The following CEP44 variants were observed in gnomAD, a reference collection of about 807,000 sequenced individuals.
The protein encoded by CEP44 is centrosomal protein 44.
Under a neutral mutation model 46.7 loss-of-function variants are expected in CEP44, and 45 were observed. The ratio of observed to expected loss-of-function variants is 0.96; its 90% CI spans 0.76 to 1.24. The LOEUF (loss-of-function observed/expected upper bound fraction) is 1.24. Among genes scored for constraint, CEP44 ranks in the 50% most tolerant of loss-of-function variants. The pLI, the probability that CEP44 is intolerant of heterozygous loss-of-function variation, is 0.00. For missense variants in CEP44, 475 were observed against 459.7 expected (o/e 1.03, Z -0.30); for synonymous variants, 142 against 146.0 (o/e 0.97, Z 0.20).
At chr4:174,308,188 A>G (rs1478867195) in intron 6 of CEP44, among the ~76,000 whole-genome samples, 1 of 152,152 alleles carries the variant, frequency 6.6e-6, no homozygotes, top group East Asian at 1.9e-4. Flanking sequence ...AAGACATGGA[A>G]TCAAGCTAAA....
At chr4:174,293,688 T>C (rs1333697531) in intron 1 of CEP44, among the ~76,000 whole-genome samples, 1 of 151,906 alleles carries the variant, frequency 6.6e-6, no homozygotes, top group African/African-American at 2.4e-5. Context: ...TTTTAGGGGG[T>C]TTTTTTTGTT....
chr4:174,312,741 ACT>A lies in CEP44; in HGVS notation c.961+1885_961+1886del, dbSNP rs1382338671. On this transcript the variant is annotated intron_variant, in intron 9 of 11. Coordinates refer to ENST00000503780, the MANE Select transcript of CEP44 (RefSeq NM_001040157.3). The surrounding 1 kb of genome is among the most constrained non-coding windows in gnomAD (Gnocchi z 4.5). ...TGATCTGATCTAGATTAATTAAAAG[ACT>A]CAAGTTTATAAAGACTTACACATTA... Among the ~76,000 whole-genome samples the A allele has an allele frequency of 6.6e-6, 1 of 152,180 alleles. No homozygotes were observed. The highest frequency in any genetic ancestry group is 2.4e-5 in the African/African-American group (1 of 41,446).
At chr4:174,320,704 A>ATGTGTGTGTGTGTGTGTATGTGTG (rs796604982), downstream of CEP44, among the ~76,000 whole-genome samples, 38 of 125,306 alleles carry the variant, frequency 3.0e-4, no homozygotes, top group East Asian at 2.7e-3. Context: ...GTGTGTGTGT[A>ATGTGTGTGTGTGTGTGTATGTGTG]TGTGTGTGTG....
At chr4:174,315,119 A>C (rs769309378) in intron 9 of CEP44, among the ~76,000 whole-genome samples, 1 of 152,132 alleles carries the variant, frequency 6.6e-6, no homozygotes, top group East Asian at 1.9e-4. Context: ...GATAAAAATT[A>C]GTCTTCTAGT....
upstream of CEP44, chr4:174,283,790 AG>A (rs1264258975): frequency 5.5e-5 from 22 of 397,306 alleles, no homozygotes; most frequent in Middle Eastern, 1.9e-3. This position sits in a 1 kb window ranked among gnomAD's most constrained non-coding sequence, Gnocchi z 6.7. Flanking sequence ...CATCAAGATC[AG>A]AAAAACTTCT....
rs1185485079 is a variant in CEP44 at position 174,331,143 on chromosome 4, AGT to A, written c.1087-338_1087-337del. 1.3e-5 allele frequency among the ~76,000 whole-genome samples: 2 copies of A among 152,144 alleles called. No individual in the cohort carries two copies. The highest frequency in any genetic ancestry group is 4.2e-4 in the South Asian group (2 of 4,808). On this transcript the variant is annotated intron_variant, in intron 8 of 8. Transcript: ENST00000426172. This position sits in a 1 kb window ranked among gnomAD's most constrained non-coding sequence, Gnocchi z 4.5. ...CAATGGAGTATTTTCATTTTTAATT[AGT>A]ACGTAAATTAGATCTCATAATTATG...
In CEP44 at chr4:174,305,843, T is replaced by A. The variant is rs1193868894; in HGVS notation, c.507+1474T>A. ...ATATAATGTGCTTTTCAATGTTCTA[T>A]TTCAGTATGAGAGTTGAGGGGACAG... On this transcript the variant is annotated intron_variant, in intron 6 of 11. Transcript: ENST00000503780. 4.6e-5 allele frequency among the ~76,000 whole-genome samples: 7 copies of A among 152,214 alleles called. No homozygotes were observed. In the South Asian group the frequency reaches 1.0e-3, roughly 22 times the overall value.
intron 4 of CEP44, among the ~76,000 whole-genome samples, chr4:174,302,663 A>G (rs1408769130): frequency 6.6e-6 from 1 of 151,938 alleles, no homozygotes; most frequent in Non-Finnish European, 1.5e-5. Context: ...TGTATACTGA[A>G]TTTAATCTCT....
exon 9 of CEP44, chr4:174,332,492 A>G (rs1731369258): frequency 6.6e-6 from 1 of 152,228 alleles, no homozygotes; most frequent in Non-Finnish European, 1.5e-5. Flanking sequence ...CATTGCATTT[A>G]TTGGCTCCTT....
Position 174,317,423 on chromosome 4 carries a change from A to C in CEP44, c.*40A>C, listed in dbSNP as rs771488885. The C allele has an allele frequency of 3.7e-6, 5 of 1,355,358 alleles. No homozygotes were observed. In the Admixed American group the frequency reaches 1.0e-4, roughly 28 times the overall value. 84.0% of individuals were successfully genotyped at this position (1,355,358 alleles called of 1,614,324 possible). On this transcript the variant is annotated 3_prime_UTR_variant, in exon 12 of 12. Transcript: ENST00000503780. ...ACTTTTTTCTAGGACTTTGGTTACTATACATATTGTATATTTTAAGAATTC... is the reference window on the plus strand; with the variant it reads ...ACTTTTTTCTAGGACTTTGGTTACTCTACATATTGTATATTTTAAGAATTC...
chr4:174,294,799 G>A (rs1168328201), intron 1 of CEP44, among the ~76,000 whole-genome samples: 4 of 142,996 alleles, frequency 2.8e-5, no homozygotes, highest in South Asian at 2.2e-4. Flanking sequence ...CTGGCCGGGT[G>A]GGGGGCTGAC....
intron 10 of CEP44, 64 bp downstream of exon 10, chr4:174,316,354 T>G: frequency 1.3e-6 from 2 of 1,518,520 alleles, no homozygotes; most frequent in Non-Finnish European, 1.8e-6. Context: ...TAGCTTTTGT[T>G]GTAAATATTG....
intron 6 of CEP44, among the ~76,000 whole-genome samples, chr4:174,305,597 G>T (rs903171156): frequency 1.3e-5 from 2 of 152,156 alleles, no homozygotes; most frequent in South Asian, 2.1e-4. Context: ...CGCCATTTTT[G>T]AATAAGTGCA....
Position 174,318,762 on chromosome 4 carries a change from CAG to C in CEP44, c.*1380_*1381del, listed in dbSNP as rs1397946620. 1 of 775,522 alleles carries C rather than the reference CAG, an allele frequency of 1.3e-6. No homozygotes were observed. Among genetic ancestry groups the C allele is most frequent in the Non-Finnish European group, 1.6e-6 (1 of 640,842 alleles). 48.0% of individuals were successfully genotyped at this position (775,522 alleles called of 1,614,324 possible). A position where few individuals can be genotyped will look rare whatever the true frequency, so the allele number is the denominator to read the frequency against. On this transcript the variant is annotated 3_prime_UTR_variant, in exon 12 of 12. Coordinates refer to ENST00000503780, the MANE Select transcript of CEP44 (RefSeq NM_001040157.3). ...TTTTTTTGTGTTTGTGAATTTGAAA[CAG>C]TGTAAGAAATCACTTTTAAGAAAAC...
At chr4:174,293,397 G>T (rs1314147566) in intron 1 of CEP44, among the ~76,000 whole-genome samples, 2 of 152,120 alleles carry the variant, frequency 1.3e-5, no homozygotes, top group South Asian at 2.1e-4. Context: ...TACATAGATG[G>T]TTGCTAAATT....
downstream of CEP44, among the ~76,000 whole-genome samples, chr4:174,321,395 AT>A (rs200176829): frequency 1.3e-5 from 2 of 151,902 alleles, no homozygotes; most frequent in African/African-American, 2.4e-5. Flanking sequence ...TAGTTAAATG[AT>A]TTTTTTTCCT....
At chr4:174,316,480 G>A (rs762368213) in intron 10 of CEP44, 50 bp from the exon 11 acceptor site, 1 of 1,501,916 alleles carries the variant, frequency 6.7e-7, no homozygotes, top group Admixed American at 1.9e-5. Flanking sequence ...CATCTTTGAT[G>A]ATGGTTTACT....
At chr4:174,323,807 A>G (rs529956253), downstream of CEP44, among the ~76,000 whole-genome samples, 37 of 152,238 alleles carry the variant, frequency 2.4e-4, no homozygotes, top group South Asian at 7.3e-3. Flanking sequence ...TTGGGCATTC[A>G]TACAGGCCAT....
intron 1 of CEP44, among the ~76,000 whole-genome samples, chr4:174,289,090 T>C (rs112182943): frequency 6.4e-4 from 98 of 152,328 alleles, no homozygotes; most frequent in African/African-American, 2.3e-3. Context: ...TGAACCATCC[T>C]TGCATCACAA....
Sources: allele counts gnomAD v4.1 joint callset (sites outside exome capture counted in the v4.1 genomes callset), GRCh38; gene constraint gnomAD v4.1.1; non-coding constraint Gnocchi (gnomAD v3.1); transcripts MANE v1.5; gene names NCBI Gene and HGNC (gene_info 2026-07-23, HGNC 2026-07-21).